KLHL32: variants seen among roughly 807,000 people sequenced by gnomAD.
KLHL32 encodes the protein kelch like family member 32, also known as kelch-like protein 32.
In KLHL32, 35 loss-of-function variants were observed where a neutral mutation model predicts 64.8. The observed-to-expected ratio is 0.54, with a 90% CI of 0.41 to 0.72. The LOEUF (loss-of-function observed/expected upper bound fraction) is 0.72. Among genes scored for constraint, KLHL32 ranks in the 30% least tolerant of loss-of-function variants. KLHL32 has a pLI of 0.00. For synonymous variants in KLHL32, 259 were observed against 281.0 expected (o/e 0.92, Z 0.78); for missense variants, 589 against 768.5 (o/e 0.77, Z 2.76).
At chr6:96,937,900 C>T (rs907683122) in intron 1 of KLHL32, among the ~76,000 whole-genome samples, 4 of 152,206 alleles carry the variant, frequency 2.6e-5, no homozygotes, top group Admixed American at 1.3e-4. Flanking sequence ...ATACCCATAG[C>T]TTGATTGGTC....
intron 4 of KLHL32, among the ~76,000 whole-genome samples, chr6:97,054,944 A>T (rs9481235): frequency 0.017 from 2,654 of 152,266 alleles, 86 homozygotes; most frequent in African/African-American, 0.061. Context: ...GTCTAAAAAA[A>T]ATATAAGAGA....
intron 6 of KLHL32, among the ~76,000 whole-genome samples, chr6:97,107,398 C>G (rs1017028246): frequency 1.3e-5 from 2 of 150,970 alleles, no homozygotes; most frequent in African/African-American, 5.0e-5. Flanking sequence ...TTAAAAAATA[C>G]ATGGTATAAG....
the KLHL32 span, among the ~76,000 whole-genome samples, chr6:96,900,909 A>C: frequency 6.6e-6 from 1 of 152,224 alleles, no homozygotes; most frequent in Non-Finnish European, 1.5e-5. Flanking sequence ...GAGAATTTGT[A>C]GGAGTCCAAC....
At chr6:97,000,781 C>T (rs570639515) in intron 3 of KLHL32, among the ~76,000 whole-genome samples, 3 of 151,944 alleles carry the variant, frequency 2.0e-5, no homozygotes, top group African/African-American at 7.3e-5. Context: ...TGTGAAGCAA[C>T]GAAGATGTTA....
intron 3 of KLHL32, among the ~76,000 whole-genome samples, chr6:97,015,606 G>A (rs1278706666): frequency 6.6e-6 from 1 of 152,210 alleles, no homozygotes; most frequent in Non-Finnish European, 1.5e-5. Flanking sequence ...AAAAGGGAAG[G>A]AGAGCATAAA....
chr6:97,063,554 C>A (rs1456845889), intron 4 of KLHL32, among the ~76,000 whole-genome samples: 3 of 152,094 alleles, frequency 2.0e-5, no homozygotes, highest in Non-Finnish European at 4.4e-5. Flanking sequence ...AGTGAAAATC[C>A]AGTGGCAGAG....
At chr6:96,929,438 C>T (rs1238161084) in intron 1 of KLHL32, among the ~76,000 whole-genome samples, 3 of 152,208 alleles carry the variant, frequency 2.0e-5, no homozygotes, top group Non-Finnish European at 2.9e-5. Context: ...TACTTCCCTT[C>T]TCTGCCTATA....
chr6:97,002,930 T>C (rs1779220456), intron 3 of KLHL32, among the ~76,000 whole-genome samples: 1 of 152,220 alleles, frequency 6.6e-6, no homozygotes, highest in African/African-American at 2.4e-5. Context: ...TTTCATGTCT[T>C]TGCTATCGTA....
At chr6:96,951,812 T>C (rs1268224354) in intron 1 of KLHL32, among the ~76,000 whole-genome samples, 1 of 152,214 alleles carries the variant, frequency 6.6e-6, no homozygotes. Context: ...AGGCTTGTTA[T>C]GTGGAAGTAT....
At chr6:96,907,957 C>T in the KLHL32 span, among the ~76,000 whole-genome samples, 2 of 152,124 alleles carry the variant, frequency 1.3e-5, no homozygotes, top group Non-Finnish European at 2.9e-5. Context: ...ATAGAACAGA[C>T]CAAAGATACA....
Position 97,029,805 on chromosome 6 carries a change from G to A in KLHL32, c.205-11687G>A, listed in dbSNP as rs527282659. 2.7e-4 allele frequency among the ~76,000 whole-genome samples: 41 copies of A among 152,306 alleles called. No individual in the cohort carries two copies. The East Asian group carries it at 6.9e-3, about 26-fold the overall frequency. ...TGAGGTGTAACCAAAATGTAATAAA[G>A]GCTAATAACCATTAACACTAAATTG... is the stretch of plus-strand genomic sequence containing the variant. On this transcript the variant is annotated intron_variant, in intron 3 of 10. Transcript: ENST00000369261.
intron 8 of KLHL32, 85 bp downstream of exon 8, chr6:97,127,547 G>C (rs1612775): frequency 0.51 from 544,001 of 1,066,422 alleles, 144,715 homozygotes; most frequent in African/African-American, 0.8. Flanking sequence ...AATGCCAAGT[G>C]TACACACACA....
chr6:96,985,906 T>C (rs745977618), intron 3 of KLHL32, among the ~76,000 whole-genome samples: 21 of 152,240 alleles, frequency 1.4e-4, no homozygotes, highest in Non-Finnish European at 2.9e-4. Context: ...CTTTGTTCCA[T>C]TGCTGGTGAG....
chr6:97,084,713 T>C (rs1259718941), intron 5 of KLHL32, among the ~76,000 whole-genome samples: 1 of 152,182 alleles, frequency 6.6e-6, no homozygotes, highest in Non-Finnish European at 1.5e-5. Flanking sequence ...GTTTATGTCA[T>C]CTAATCATGA....
chr6:97,138,648 G>C (rs1192179812), intron 10 of KLHL32, among the ~76,000 whole-genome samples: 2 of 152,162 alleles, frequency 1.3e-5, no homozygotes, highest in Non-Finnish European at 2.9e-5. Context: ...ACTGAATTTT[G>C]AATTTGCTAC....
At chr6:97,039,476 T>C (rs1262318670) in intron 3 of KLHL32, among the ~76,000 whole-genome samples, 1 of 152,036 alleles carries the variant, frequency 6.6e-6, no homozygotes. Context: ...AGAGCTAGTG[T>C]TAGATCAGTA....
At chr6:97,066,018 C>G (rs1200949646) in intron 5 of KLHL32, among the ~76,000 whole-genome samples, 1 of 152,082 alleles carries the variant, frequency 6.6e-6, no homozygotes, top group Non-Finnish European at 1.5e-5. Context: ...TTCTTTTCCT[C>G]TCAATATTGT....
At chr6:97,092,131 A>G (rs915977531) in intron 6 of KLHL32, among the ~76,000 whole-genome samples, 4 of 152,142 alleles carry the variant, frequency 2.6e-5, no homozygotes, top group African/African-American at 9.7e-5. Context: ...CTGGGATTAC[A>G]GGCATGTGCC....
At chr6:96,958,499 T>A (rs1423115958) in intron 1 of KLHL32, among the ~76,000 whole-genome samples, 2 of 152,072 alleles carry the variant, frequency 1.3e-5, no homozygotes, top group African/African-American at 2.4e-5. Context: ...TGTTGATGAG[T>A]ATGTCTGTAT....
Sources: allele counts gnomAD v4.1 joint callset (sites outside exome capture counted in the v4.1 genomes callset), GRCh38; gene constraint gnomAD v4.1.1; transcripts MANE v1.5; gene names NCBI Gene and HGNC (gene_info 2026-07-23, HGNC 2026-07-21).